The following PRKG1 variants were observed in gnomAD, a reference collection of about 807,000 sequenced individuals.
The protein encoded by PRKG1 is protein kinase cGMP-dependent 1, also known as cGMP-dependent protein kinase 1.
In PRKG1, 35 loss-of-function variants were observed where a neutral mutation model predicts 88.1. That is an observed-to-expected ratio of 0.40 (90% CI 0.30 to 0.53). The LOEUF (loss-of-function observed/expected upper bound fraction) is 0.53. PRKG1 is among the 20% of genes least tolerant of loss of function. The pLI is 0.59. For synonymous variants in PRKG1, 303 were observed against 292.5 expected, an observed-to-expected ratio of 1.04 and a Z score of -0.37; for missense variants, 540 against 839.8, an observed-to-expected ratio of 0.64 and a Z score of 4.41.
rs59233183 is a variant in PRKG1, at chr10:51,005,174, C to G, written c.266+13530C>G. Among the ~76,000 whole-genome samples the G allele has an allele frequency of 2.2e-3, 339 of 151,836 alleles. 2 individuals carry two copies. The highest frequency in any genetic ancestry group is 8.0e-3 in the African/African-American group (329 of 41,368). Reference sequence around the variant, plus strand: ...AGGGTATTCAATCGTGTGATTGGAGCCAAAAGGTAAAATCATTTTGGGGGA... The same window carrying G: ...AGGGTATTCAATCGTGTGATTGGAGGCAAAAGGTAAAATCATTTTGGGGGA... On this transcript the variant is annotated intron_variant, in intron 1 of 17. Transcript: ENST00000401604.
chr10:51,842,124 C>G (rs1454900555), intron 4 of PRKG1, among the ~76,000 whole-genome samples: 1 of 152,178 alleles, frequency 6.6e-6, no homozygotes, highest in African/African-American at 2.4e-5. Context: ...GTGGGTCTGA[C>G]TTGACTGTCT....
At chr10:52,196,881 A>T (rs1279214765) in intron 9 of PRKG1, among the ~76,000 whole-genome samples, 4 of 152,206 alleles carry the variant, frequency 2.6e-5, no homozygotes, top group Non-Finnish European at 5.9e-5. Flanking sequence ...ATGATTGTAT[A>T]CTAATTATGA....
chr10:51,154,625 C>A (rs1846160618), intron 2 of PRKG1, among the ~76,000 whole-genome samples: 3 of 151,806 alleles, frequency 2.0e-5, no homozygotes, highest in Non-Finnish European at 4.4e-5. Flanking sequence ...TTTATTTATT[C>A]TTTGTCATCT....
At chr10:51,699,045 C>T (rs1157918569) in intron 3 of PRKG1, 1 of 1,614,230 alleles carries the variant, frequency 6.2e-7, no homozygotes, top group East Asian at 2.2e-5. Context: ...AGTGCATAAG[C>T]CAGTTGTGGA....
chr10:52,255,618 G>T (rs1841289216), intron 10 of PRKG1, among the ~76,000 whole-genome samples: 1 of 151,910 alleles, frequency 6.6e-6, no homozygotes, highest in African/African-American at 2.4e-5. Context: ...TTAATAAATA[G>T]AATAGTTCTT....
intron 7 of PRKG1, among the ~76,000 whole-genome samples, chr10:52,091,927 G>C (rs1308960331): frequency 1.3e-5 from 2 of 152,164 alleles, no homozygotes; most frequent in Non-Finnish European, 2.9e-5. Context: ...GATATTTATT[G>C]TTCTGTATAA....
intron 2 of PRKG1, among the ~76,000 whole-genome samples, chr10:51,168,441 TTTA>T (rs1320534510): frequency 8.5e-5 from 13 of 152,156 alleles, no homozygotes; most frequent in African/African-American, 2.4e-4. Flanking sequence ...ATGTAATAGA[TTTA>T]TTATTATTTT....
At chr10:52,041,913 C>G (rs909034643) in intron 5 of PRKG1, among the ~76,000 whole-genome samples, 8 of 151,892 alleles carry the variant, frequency 5.3e-5, no homozygotes, top group South Asian at 4.2e-4. Context: ...TAACAGTGAA[C>G]TATCTAAAAA....
intron 3 of PRKG1, among the ~76,000 whole-genome samples, chr10:51,644,102 C>G (rs1839862711): frequency 6.6e-6 from 1 of 152,146 alleles, no homozygotes; most frequent in South Asian, 2.1e-4. Context: ...CAATATCACA[C>G]CTAAAAACTA....
chr10:52,171,997 T>G (rs1329823599), intron 9 of PRKG1, among the ~76,000 whole-genome samples: 6 of 148,556 alleles, frequency 4.0e-5, no homozygotes, highest in East Asian at 2.0e-4. Flanking sequence ...AGAGGCGGGG[T>G]TTCACCTTGT....
At chr10:51,673,837 G>A (rs1017840079) in intron 3 of PRKG1, among the ~76,000 whole-genome samples, 1 of 152,044 alleles carries the variant, frequency 6.6e-6, no homozygotes, top group African/African-American at 2.4e-5. Context: ...TATATTTTTA[G>A]CCATAAGCAG....
At chr10:51,699,537 C>T (rs147611687) in intron 3 of PRKG1, 2 of 1,609,954 alleles carry the variant, frequency 1.2e-6, no homozygotes, top group East Asian at 4.5e-5. Context: ...TCTCTCACCG[C>T]CAAACTCGAC....
intron 3 of PRKG1, among the ~76,000 whole-genome samples, chr10:51,569,761 A>G (rs945704564): frequency 2.0e-5 from 3 of 151,936 alleles, no homozygotes; most frequent in African/African-American, 7.2e-5. Context: ...CATTCTCTGC[A>G]TTTGTTTCTT....
chr10:51,796,457 C>T (rs1235862736), intron 3 of PRKG1, among the ~76,000 whole-genome samples: 1 of 151,998 alleles, frequency 6.6e-6, no homozygotes, highest in Admixed American at 6.6e-5. Context: ...GTAACTTGTG[C>T]ATCTAATTTC....
At chr10:51,297,576 G>A (rs532697898) in intron 2 of PRKG1, among the ~76,000 whole-genome samples, 1 of 152,164 alleles carries the variant, frequency 6.6e-6, no homozygotes, top group South Asian at 2.1e-4. Context: ...TTGGGTAATA[G>A]CTGGGGAGAA....
chr10:51,506,070 A>C (rs1002028440), intron 3 of PRKG1, among the ~76,000 whole-genome samples: 1 of 152,156 alleles, frequency 6.6e-6, no homozygotes, highest in Non-Finnish European at 1.5e-5. Context: ...TTCCCTAGTT[A>C]ATAAACGGTG....
At chr10:51,145,059 T>C (rs1435185845) in intron 1 of PRKG1, among the ~76,000 whole-genome samples, 2 of 152,246 alleles carry the variant, frequency 1.3e-5, no homozygotes, top group African/African-American at 2.4e-5. Context: ...ATTTCTTTAA[T>C]GATCAATTTG....
chr10:51,703,282 T>G (rs12242231), intron 3 of PRKG1, among the ~76,000 whole-genome samples: 2 of 151,978 alleles, frequency 1.3e-5, no homozygotes, highest in African/African-American at 4.8e-5. Flanking sequence ...GATTCACTAT[T>G]GATTCAGTAG....
At chr10:51,168,519 G>C (rs566735541) in intron 2 of PRKG1, among the ~76,000 whole-genome samples, 2 of 152,160 alleles carry the variant, frequency 1.3e-5, no homozygotes, top group South Asian at 4.2e-4. Context: ...ATCCATAGAA[G>C]TAACCCACGT....
Sources: allele counts gnomAD v4.1 joint callset (sites outside exome capture counted in the v4.1 genomes callset), GRCh38; gene constraint gnomAD v4.1.1; transcripts MANE v1.5; gene names NCBI Gene and HGNC (gene_info 2026-07-23, HGNC 2026-07-21).